The following MYO1H variants were observed in gnomAD, a reference collection of about 807,000 sequenced individuals.
MYO1H encodes unconventional myosin-Ih.
MYO1H carries 118 observed loss-of-function variants against 149.3 expected under a neutral mutation model. The ratio of observed to expected loss-of-function variants is 0.79; its 90% CI spans 0.68 to 0.92. The LOEUF (loss-of-function observed/expected upper bound fraction) is 0.92. Ranked by LOEUF, MYO1H falls within the 40% of genes least tolerant of loss-of-function variation. The pLI is 0.00. For missense variants in MYO1H, 1,212 were observed against 1,280.7 expected, an observed-to-expected ratio of 0.95 and a Z score of 0.82; for synonymous variants, 447 against 465.2, an observed-to-expected ratio of 0.96 and a Z score of 0.50.
intron 23 of MYO1H, 114 bp from the exon 24 acceptor site, chr12:109,439,517 T>TC: frequency 1.5e-6 from 1 of 681,118 alleles, no homozygotes; most frequent in Non-Finnish European, 2.2e-6. Context: ...GCCTATGTGG[T>TC]CATCTCCACA....
chr12:109,316,633 G>T, the MYO1H span, among the ~76,000 whole-genome samples: 1 of 152,164 alleles, frequency 6.6e-6, no homozygotes, highest in East Asian at 1.9e-4. Context: ...TAGGGATGGG[G>T]TATTAACAAT....
chr12:109,347,930 T>G (rs927206947), exon 1 of MYO1H: 1 of 399,014 alleles, frequency 2.5e-6, no homozygotes, highest in Non-Finnish European at 4.4e-6. Flanking sequence ...AGAGGAATAG[T>G]TGTTAACAAC....
At chr12:109,422,938 T>C (rs1871235326) in intron 16 of MYO1H, among the ~76,000 whole-genome samples, 3 of 151,742 alleles carry the variant, frequency 2.0e-5, no homozygotes, top group African/African-American at 7.3e-5. Flanking sequence ...AAAAATTAGC[T>C]GGGTGTGGTG....
intron 5 of MYO1H, among the ~76,000 whole-genome samples, chr12:109,398,374 C>T (rs1870008503): frequency 6.6e-6 from 1 of 152,188 alleles, no homozygotes; most frequent in Admixed American, 6.5e-5. Flanking sequence ...AAATGAACCA[C>T]AGCTACACCT....
the MYO1H span, among the ~76,000 whole-genome samples, chr12:109,327,181 G>A: frequency 2.3e-5 from 3 of 132,228 alleles, no homozygotes; most frequent in Admixed American, 2.6e-4. Context: ...CACCCAGGCT[G>A]GAGTACAGTG....
At chr12:109,434,740 G>C (rs2135593381) in intron 20 of MYO1H, among the ~76,000 whole-genome samples, 1 of 152,240 alleles carries the variant, frequency 6.6e-6, no homozygotes, top group Middle Eastern at 3.4e-3. Flanking sequence ...AGCTCTGGTG[G>C]CTCCTGGCAT....
At chr12:109,438,607 C>T (rs371876835) in exon 23 of MYO1H, 7 of 1,611,202 alleles carry the variant, frequency 4.3e-6, no homozygotes, top group Non-Finnish European at 5.1e-6. Flanking sequence ...GTGGGCCGTG[C>T]GGATTATCAG....
At position 109,361,682 on chromosome 12, in the gene MYO1H, C is replaced by T. The variant is rs147196536; in HGVS notation, c.12+13710C>T. Among the ~76,000 whole-genome samples, 491 of 152,038 alleles carry T rather than the reference C, an allele frequency of 3.2e-3. 2 individuals are homozygous for T. Among genetic ancestry groups the T allele is most frequent in the African/African-American group, 0.011 (468 of 41,480 alleles). ...AATTAGCCAGGTGAGGTGGGACATG[C>T]CTGCATGGTCCCAGCTACTTGGAGG... On this transcript the variant is annotated intron_variant, in intron 1 of 31. Transcript: ENST00000310903.
rs978552003 is a variant in MYO1H, at chr12:109,418,263, A to G, written c.1597+2643A>G. On this transcript the variant is annotated intron_variant, in intron 15 of 31. Transcript: ENST00000310903. ...TTTGTGATGGTGTCCTTTGAAGCAC[A>G]GAAGTTTTTAGTTTTGATGAAGTCT... Among the ~76,000 whole-genome samples the G allele has an allele frequency of 7.9e-5, 12 of 152,046 alleles. 1 individual carries two copies. In the South Asian group the frequency reaches 1.0e-3, roughly 13 times the overall value.
At chr12:109,375,340 A>G (rs1005568600) in intron 1 of MYO1H, among the ~76,000 whole-genome samples, 2 of 151,834 alleles carry the variant, frequency 1.3e-5, no homozygotes, top group Non-Finnish European at 2.9e-5. Flanking sequence ...TTTTGTAGAG[A>G]TGGGGTTTTG....
chr12:109,442,086 AT>A, intron 26 of MYO1H, 130 bp from the exon 27 acceptor site: 1 of 753,654 alleles, frequency 1.3e-6, no homozygotes, highest in Non-Finnish European at 2.3e-6. Flanking sequence ...ACTCTGCAGC[AT>A]TTCCTGATGG....
intron 31 of MYO1H, 49 bp downstream of exon 31, chr12:109,445,661 TAAGTTA>T (rs778803146): frequency 4.4e-6 from 7 of 1,574,158 alleles, no homozygotes; most frequent in Non-Finnish European, 5.1e-6. Context: ...GATGAGAATA[TAAGTTA>T]AAGTTCTACC....
At chr12:109,389,956 G>T (rs1481352153) in intron 2 of MYO1H, among the ~76,000 whole-genome samples, 3 of 152,016 alleles carry the variant, frequency 2.0e-5, no homozygotes, top group Admixed American at 6.6e-5. Flanking sequence ...CTTAATTGTA[G>T]AAATAGAAAA....
At chr12:109,424,681 C>A in intron 16 of MYO1H, 67 bp from the exon 17 acceptor site, 2 of 1,253,076 alleles carry the variant, frequency 1.6e-6, no homozygotes, top group Non-Finnish European at 2.3e-6. Flanking sequence ...ACTCTGTGAG[C>A]CGTCCTGACA....
chr12:109,316,393 C>G, the MYO1H span, among the ~76,000 whole-genome samples: 1 of 152,210 alleles, frequency 6.6e-6, no homozygotes, highest in African/African-American at 2.4e-5. Flanking sequence ...AGCGTGTTCA[C>G]TCACCAACAG....
intron 1 of MYO1H, among the ~76,000 whole-genome samples, chr12:109,382,841 T>C (rs1869232620): frequency 6.7e-6 from 1 of 149,310 alleles, no homozygotes; most frequent in African/African-American, 2.4e-5. Context: ...TCTTTATATA[T>C]ATATATTTAC....
At chr12:109,318,638 A>G in the MYO1H span, among the ~76,000 whole-genome samples, 4 of 152,222 alleles carry the variant, frequency 2.6e-5, no homozygotes, top group African/African-American at 7.2e-5. Flanking sequence ...GACAACCCCA[A>G]GTTGAGGCAC....
intron 19 of MYO1H, among the ~76,000 whole-genome samples, chr12:109,427,909 A>AAAAATATATATATAT (rs1555254298): frequency 6.1e-5 from 1 of 16,422 alleles, no homozygotes; most frequent in Non-Finnish European, 1.0e-4. Flanking sequence ...AAAAAAAAAA[A>AAAAATATATATATAT]ATATATATAT....
At chr12:109,334,864 G>A in the MYO1H span, among the ~76,000 whole-genome samples, 467 of 152,286 alleles carry the variant, frequency 3.1e-3, 3 homozygotes, top group African/African-American at 0.011. Context: ...TATTCACAAA[G>A]TTATGAACTG....
Sources: allele counts gnomAD v4.1 joint callset (sites outside exome capture counted in the v4.1 genomes callset), GRCh38; gene constraint gnomAD v4.1.1; transcripts MANE v1.5; gene names NCBI Gene and HGNC (gene_info 2026-07-23, HGNC 2026-07-21).